The following SLC25A48 variants were observed in gnomAD, a reference collection of about 807,000 sequenced individuals.
SLC25A48 encodes CTC-321K16.1.
Under a neutral mutation model 32.2 loss-of-function variants are expected in SLC25A48, and 29 were observed. The ratio of observed to expected loss-of-function variants is 0.90; its 90% CI spans 0.67 to 1.23. The LOEUF (loss-of-function observed/expected upper bound fraction) is 1.23, where lower values mean the gene tolerates loss of function less well. Ranked by LOEUF, SLC25A48 falls within the 50% of genes most tolerant of loss-of-function variation. The pLI is 0.00. For missense variants in SLC25A48, 399 were observed against 422.7 expected (o/e 0.94, Z 0.49); for synonymous variants, 164 against 172.3 (o/e 0.95, Z 0.38).
intron 2 of SLC25A48, chr5:135,634,715 T>G (rs755006780): frequency 6.6e-6 from 1 of 152,280 alleles, no homozygotes; most frequent in Non-Finnish European, 1.5e-5. Context: ...GGGGGTGAAG[T>G]CTGGGAGTCC....
chr5:135,615,903 A>C lies in SLC25A48; in HGVS notation c.-848-13334A>C, dbSNP rs1033286903. ...CTGCTGCCATATGCAGCCTTGGGGC[A>C]CTGCTGCCTGCATCTCAGCTGCTCC... On this transcript the variant is annotated intron_variant, in intron 1 of 10. Coordinates refer to the SLC25A48 transcript ENST00000646290. Among the ~76,000 whole-genome samples, 10 of 152,320 alleles carry C rather than the reference A, an allele frequency of 6.6e-5. No homozygotes were observed. The East Asian group carries it at 1.9e-3, about 29-fold the overall frequency.
At chr5:135,886,629 ATAT>A (rs1762731447) in intron 7 of SLC25A48, among the ~76,000 whole-genome samples, 2 of 26,544 alleles carry the variant, frequency 7.5e-5, no homozygotes, top group Admixed American at 3.5e-4. Flanking sequence ...ATATATATAT[ATAT>A]ATATAAAATA....
intron 1 of SLC25A48, among the ~76,000 whole-genome samples, chr5:135,598,876 G>A (rs1375370575): frequency 6.6e-6 from 1 of 152,144 alleles, no homozygotes; most frequent in African/African-American, 2.4e-5. Context: ...GTCTGTGGTC[G>A]GTGGTCTCTT....
At chr5:135,613,664 T>C (rs939942073) in intron 1 of SLC25A48, among the ~76,000 whole-genome samples, 1 of 152,172 alleles carries the variant, frequency 6.6e-6, no homozygotes, top group African/African-American at 2.4e-5. Flanking sequence ...TCTATGGATA[T>C]CCACTCTTCT....
At chr5:135,807,432 A>G (rs957231339) in intron 3 of SLC25A48, among the ~76,000 whole-genome samples, 2 of 150,778 alleles carry the variant, frequency 1.3e-5, no homozygotes, top group Admixed American at 6.6e-5. Flanking sequence ...AACACTTGAT[A>G]TTATAAATAT....
At chr5:135,822,494 T>C (rs1442410285) in intron 4 of SLC25A48, among the ~76,000 whole-genome samples, 5 of 152,202 alleles carry the variant, frequency 3.3e-5, no homozygotes, top group Non-Finnish European at 7.3e-5. Context: ...CAATTCTTGA[T>C]GTGCCTTGGT....
chr5:135,631,767 T>C (rs1252164552), intron 2 of SLC25A48, among the ~76,000 whole-genome samples: 1 of 152,204 alleles, frequency 6.6e-6, no homozygotes, highest in Non-Finnish European at 1.5e-5. Flanking sequence ...ATTTAAAATG[T>C]TGTTCTATGA....
upstream of SLC25A48, among the ~76,000 whole-genome samples, chr5:135,830,361 G>A (rs779945124): frequency 2.1e-4 from 32 of 152,324 alleles, no homozygotes; most frequent in African/African-American, 7.2e-4. Context: ...CACCACCTAA[G>A]AGGAGATCGT....
At chr5:135,880,752 CGCCGTCTCTCTCA>C (rs1762407710) in intron 7 of SLC25A48, among the ~76,000 whole-genome samples, 1 of 152,126 alleles carries the variant, frequency 6.6e-6, no homozygotes, top group Non-Finnish European at 1.5e-5. Flanking sequence ...CTGAATGTCC[CGCCGTCTCTCTCA>C]CCCCTAGGTC....
intron 4 of SLC25A48, among the ~76,000 whole-genome samples, chr5:135,853,283 C>G (rs936146613): frequency 1.3e-5 from 2 of 152,262 alleles, no homozygotes; most frequent in African/African-American, 4.8e-5. Flanking sequence ...GTGGCAATTT[C>G]TTAAAATAAG....
chr5:135,874,743 C>A, intron 6 of SLC25A48: 2 of 698,938 alleles, frequency 2.9e-6, no homozygotes, highest in South Asian at 1.5e-5. Context: ...ACACACACCC[C>A]TTCCCACCAC....
At chr5:135,880,497 A>G (rs75134250) in intron 7 of SLC25A48, among the ~76,000 whole-genome samples, 1,946 of 151,190 alleles carry the variant, frequency 0.013, 27 homozygotes, top group Non-Finnish European at 0.022. Flanking sequence ...TCCCTACTGA[A>G]CTGCACAGCC....
chr5:135,592,704 G>T (rs571797472), intron 1 of SLC25A48, among the ~76,000 whole-genome samples: 14 of 152,156 alleles, frequency 9.2e-5, no homozygotes, highest in Non-Finnish European at 1.9e-4. Flanking sequence ...AGCACCACAG[G>T]TGTGTCCTGA....
At chr5:135,742,080 T>C (rs1755512804) in intron 3 of SLC25A48, among the ~76,000 whole-genome samples, 1 of 152,102 alleles carries the variant, frequency 6.6e-6, no homozygotes, top group African/African-American at 2.4e-5. Flanking sequence ...ATTATTTTTG[T>C]TTATTTATTT....
In SLC25A48 at chr5:135,874,051, T is replaced by C; in HGVS notation, c.710T>C (p.Met237Thr). 6.5e-7 allele frequency: 1 copy of C among 1,532,570 alleles called. No individual in the cohort carries two copies. The highest frequency in any genetic ancestry group is 8.7e-7 in the Non-Finnish European group (1 of 1,145,670). The allele number at this position is 1,532,570 out of a possible 1,614,324, so 94.9% of individuals were successfully genotyped here. ...ATTTCTTGGGGGACAGCGACTCCTATGGATGTCGTGAAAAGTCGACTCCAA... is the reference window on the plus strand; with the variant it reads ...ATTTCTTGGGGGACAGCGACTCCTACGGATGTCGTGAAAAGTCGACTCCAA... Reference protein sequence around the residue: ...GAISWGTATPMDVVKSRLQAD... With the variant: ...GAISWGTATPTDVVKSRLQAD... The change falls in exon 6 of 8, where the codon ATG becomes ACG. Residue 237 changes from methionine to threonine, a missense_variant. Transcript: ENST00000681962.
chr5:135,775,897 T>C (rs77842371), intron 3 of SLC25A48, among the ~76,000 whole-genome samples: 4,962 of 151,574 alleles, frequency 0.033, 250 homozygotes, highest in African/African-American at 0.11. Flanking sequence ...GATGATGGTA[T>C]TACGATCAAT....
At chr5:135,826,483 C>G (rs1758055016) in intron 4 of SLC25A48, 1 of 152,308 alleles carries the variant, frequency 6.6e-6, no homozygotes, top group South Asian at 2.1e-4. Flanking sequence ...CAAGCTCAGA[C>G]AGAGGAAGCA....
At chr5:135,601,693 C>T (rs1286367715) in intron 1 of SLC25A48, among the ~76,000 whole-genome samples, 2 of 152,246 alleles carry the variant, frequency 1.3e-5, no homozygotes, top group East Asian at 3.8e-4. Flanking sequence ...GGACAGTGAG[C>T]TGCTCATCTG....
At chr5:135,863,573 G>T (rs776131714) in intron 4 of SLC25A48, among the ~76,000 whole-genome samples, 1 of 152,174 alleles carries the variant, frequency 6.6e-6, no homozygotes, top group South Asian at 2.1e-4. Context: ...AAATTATCGA[G>T]CTCATACCAT....
Sources: gnomAD v4.1 joint callset for allele counts (sites outside exome capture counted in the v4.1 genomes callset) on GRCh38, gnomAD v4.1.1 for gene constraint, MANE v1.5 for transcripts, NCBI Gene and HGNC (gene_info 2026-07-23, HGNC 2026-07-21) for gene names.